TBL3: variants seen among roughly 807,000 people sequenced by gnomAD.
TBL3 encodes the protein transducin beta-like protein 3.
A neutral mutation model predicts 102.7 loss-of-function variants in TBL3; 71 were observed. The ratio of observed to expected loss-of-function variants is 0.69; its 90% CI spans 0.57 to 0.84. TBL3 has a LOEUF of 0.84. TBL3 is among the 40% of genes least tolerant of loss of function. The pLI, the probability that TBL3 is intolerant of heterozygous loss-of-function variation, is 0.00. For missense variants in TBL3, 1,188 were observed against 1,098.5 expected, an observed-to-expected ratio of 1.08 and a Z score of -1.15; for synonymous variants, 578 against 477.7, an observed-to-expected ratio of 1.21 and a Z score of -2.74.
rs866814374 is a variant in TBL3 at position 1,975,531 on chromosome 16, A to C, written c.808A>C (p.Thr270Pro). 2 of 1,597,374 alleles carry C rather than the reference A, an allele frequency of 1.3e-6. No homozygotes were observed. Among genetic ancestry groups the C allele is most frequent in the Non-Finnish European group, 1.7e-6 (2 of 1,175,920 alleles). Residue 270 changes from threonine to proline, a missense_variant and splice_region_variant, in exon 10 of 22, where the codon ACT (threonine) becomes CCT (proline). Transcript: ENST00000568546. ...LYFLTAGDQG[T>P]LRVWEAASGQ... ...CAGCCCTGTCCCCACCCACACAGGC[A>C]CTCTGCGCGTGTGGGAGGCAGCTTC... is the stretch of plus-strand genomic sequence containing the variant.
Position 1,975,963 on chromosome 16 carries a change from G to A in TBL3, c.1129+14G>A, listed in dbSNP as rs767024001. ...ACGGCCACACGGGTGAGTGGGGCCA[G>A]CCCACCTGACACCCTGGGAGCCGCC... On this transcript the variant is annotated intron_variant, in intron 11 of 21. Coordinates refer to ENST00000568546, the MANE Select transcript of TBL3 (RefSeq NM_006453.3). 4 of 1,614,134 alleles carry A rather than the reference G, an allele frequency of 2.5e-6. No individual in the cohort carries two copies. The Admixed American group carries it at 6.7e-5, about 27-fold the overall frequency.
Position 1,980,650 on chromosome 16 carries a change from C to T in TBL3, c.*1965C>T. On this transcript the variant is annotated 3_prime_UTR_variant, in exon 22 of 22. Transcript: ENST00000568546. Reference sequence around the variant, plus strand: ...TTCCCCGCTCCCGTACCCAGGCTGGCCTGACCGAGAAGCTTTGGGAGAACG... The same window carrying T: ...TTCCCCGCTCCCGTACCCAGGCTGGTCTGACCGAGAAGCTTTGGGAGAACG... 1.2e-6 allele frequency: 2 copies of T among 1,603,868 alleles called. No individual in the cohort carries two copies. Among genetic ancestry groups the T allele is most frequent in the Non-Finnish European group, 8.5e-7 (1 of 1,175,252 alleles).
rs911910291 is a variant in TBL3 at position 1,980,781 on chromosome 16, T to C, written c.*2096T>C. 6.5e-7 allele frequency: 1 copy of C among 1,541,708 alleles called. No homozygotes were observed. The highest frequency in any genetic ancestry group is 8.8e-7 in the Non-Finnish European group (1 of 1,132,594). ...GTCTTCCAGAGCCCACTGTGCACCC[T>C]TGAGAGGGCGGGGTCCCTCACCCGG... On this transcript the variant is annotated 3_prime_UTR_variant, in exon 22 of 22. Coordinates refer to ENST00000568546, the MANE Select transcript of TBL3 (RefSeq NM_006453.3).
In TBL3 at chr16:1,979,383, C is replaced by T. The variant is rs975091361; in HGVS notation, c.*698C>T. 2.3e-5 allele frequency: 37 copies of T among 1,592,990 alleles called. No homozygotes were observed. The highest frequency in any genetic ancestry group is 2.9e-5 in the Non-Finnish European group (34 of 1,174,976). ...GGCGGGGTGTGGTTAGGGCCCCGCC[C>T]GCCTCGGCTAGCCTGCCCTGCCCAC... On this transcript the variant is annotated 3_prime_UTR_variant, in exon 22 of 22. Transcript: ENST00000568546.
At chr16:1,975,976 C>T (rs201523535) in intron 11 of TBL3, 27 bp downstream of exon 11, 144 of 1,614,098 alleles carry the variant, frequency 8.9e-5, no homozygotes, top group Non-Finnish European at 1.1e-4. Flanking sequence ...CACCTGACAC[C>T]CTGGGAGCCG....
chr16:1,980,522 C>A lies in TBL3; in HGVS notation c.*1837C>A. The A allele has an allele frequency of 6.2e-7, 1 of 1,603,456 alleles. No individual in the cohort carries two copies. ...GCGCCAGGCCGCGGCTCGTGCGCCC[C>A]ACGCGTCCCAACAGTGGTGCATCTT... is the stretch of plus-strand genomic sequence containing the variant. On this transcript the variant is annotated 3_prime_UTR_variant, in exon 22 of 22. Transcript: ENST00000568546.
rs753146744 is a variant in TBL3 at position 1,980,527 on chromosome 16, G to C, written c.*1842G>C. Reference sequence around the variant, plus strand: ...AGGCCGCGGCTCGTGCGCCCCACGCGTCCCAACAGTGGTGCATCTTAAGGC... The same window carrying C: ...AGGCCGCGGCTCGTGCGCCCCACGCCTCCCAACAGTGGTGCATCTTAAGGC... On this transcript the variant is annotated 3_prime_UTR_variant, in exon 22 of 22. Transcript: ENST00000568546. 3.2e-5 allele frequency: 51 copies of C among 1,603,388 alleles called. 1 individual carries two copies. In the South Asian group the frequency reaches 5.2e-4, roughly 16 times the overall value.
Position 1,980,683 on chromosome 16 carries a change from A to G in TBL3, c.*1998A>G. 1 of 1,607,226 alleles carries G rather than the reference A, an allele frequency of 6.2e-7. No homozygotes were observed. The highest frequency in any genetic ancestry group is 1.1e-5 in the South Asian group (1 of 90,008). Reference sequence around the variant, plus strand: ...AGAAGCTTTGGGAGAACGCGGTCAGATCTCCGCAGCAGGCCCGCCTCCACC... The same window carrying G: ...AGAAGCTTTGGGAGAACGCGGTCAGGTCTCCGCAGCAGGCCCGCCTCCACC... On this transcript the variant is annotated 3_prime_UTR_variant, in exon 22 of 22. Coordinates refer to ENST00000568546, the MANE Select transcript of TBL3 (RefSeq NM_006453.3).
At position 1,974,695 on chromosome 16, in the gene TBL3, G is replaced by A; in HGVS notation, c.379+16G>A. The stretch of plus-strand genomic sequence containing the variant: ...CTAGCCACAGGTAGGGCCCTGCCGT[G>A]CAGGTGGGTCGTGGGCACAGATGCA... On this transcript the variant is annotated intron_variant, in intron 5 of 21. Coordinates refer to ENST00000568546, the MANE Select transcript of TBL3 (RefSeq NM_006453.3). The A allele has an allele frequency of 6.2e-7, 1 of 1,611,220 alleles. No individual in the cohort carries two copies. The highest frequency in any genetic ancestry group is 8.5e-7 in the Non-Finnish European group (1 of 1,178,844).
At position 1,974,977 on chromosome 16, in the gene TBL3, G is replaced by A. The variant is rs377621371; in HGVS notation, c.514G>A (p.Ala172Thr). The part of the protein sequence containing the change: ...DPTRLLLFSS[A>T]TDAAIRVWSL... ...TACACGCCTGCTGCTCTTCTCCTCGGCCACGGATGCCGCCATCCGCGTGTG... is the reference window on the plus strand; with the variant it reads ...TACACGCCTGCTGCTCTTCTCCTCGACCACGGATGCCGCCATCCGCGTGTG... The change falls in exon 7 of 22, where the codon GCC becomes ACC. Residue 172 changes from alanine (A) to threonine (T), a missense_variant. By Grantham distance (58) the Ala-to-Thr change is moderately conservative. Coordinates refer to ENST00000568546, the MANE Select transcript of TBL3 (RefSeq NM_006453.3). The A allele has an allele frequency of 1.6e-5, 25 of 1,608,584 alleles. No homozygotes were observed. In the Admixed American group the frequency reaches 1.8e-4, roughly 12 times the overall value.
chr16:1,980,289 T>C lies in TBL3; in HGVS notation c.*1604T>C, dbSNP rs2083475865. The C allele has an allele frequency of 1.3e-6, 2 of 1,524,178 alleles. No homozygotes were observed. Among genetic ancestry groups the C allele is most frequent in the Non-Finnish European group, 1.8e-6 (2 of 1,136,784 alleles). 94.4% of individuals were successfully genotyped at this position (1,524,178 alleles called of 1,614,324 possible). A position where few individuals can be genotyped will look rare whatever the true frequency, so the allele number is the denominator to read the frequency against. ...CCTCCCACTCTCTGCCCCTATTCGC[T>C]GGCTGTTCCCCCCCACCCTGGACCT... On this transcript the variant is annotated 3_prime_UTR_variant, in exon 22 of 22. Coordinates refer to ENST00000568546, the MANE Select transcript of TBL3 (RefSeq NM_006453.3).
At position 1,978,995 on chromosome 16, in the gene TBL3, C is replaced by T; in HGVS notation, c.*310C>T. ...TGCTGGCCAGGGAGATCCGCCCTCCCCGCTCCTCCCCAGCCCTGGGATGGC... is the reference window on the plus strand; with the variant it reads ...TGCTGGCCAGGGAGATCCGCCCTCCTCGCTCCTCCCCAGCCCTGGGATGGC... On this transcript the variant is annotated 3_prime_UTR_variant, in exon 22 of 22. Coordinates refer to ENST00000568546, the MANE Select transcript of TBL3 (RefSeq NM_006453.3). The T allele has an allele frequency of 1.4e-6, 2 of 1,471,356 alleles. No homozygotes were observed. Among genetic ancestry groups the T allele is most frequent in the South Asian group, 1.3e-5 (1 of 78,910 alleles). 91.1% of individuals were successfully genotyped at this position (1,471,356 alleles called of 1,614,324 possible). A position where few individuals can be genotyped will look rare whatever the true frequency, so the allele number is the denominator to read the frequency against.
Position 1,979,079 on chromosome 16 carries a change from A to G in TBL3, c.*394A>G, listed in dbSNP as rs781180048. On this transcript the variant is annotated 3_prime_UTR_variant, in exon 22 of 22. Coordinates refer to ENST00000568546, the MANE Select transcript of TBL3 (RefSeq NM_006453.3). ...ACTGCTCCGTCGTGGGGTGCGGCACAGAGTCCACGCACCCTCGAGGGCGGC... is the reference window on the plus strand; with the variant it reads ...ACTGCTCCGTCGTGGGGTGCGGCACGGAGTCCACGCACCCTCGAGGGCGGC... 1.3e-6 allele frequency: 2 copies of G among 1,536,040 alleles called. No individual in the cohort carries two copies. Among genetic ancestry groups the G allele is most frequent in the Non-Finnish European group, 1.7e-6 (2 of 1,153,658 alleles).
intron 1 of TBL3, among the ~76,000 whole-genome samples, chr16:1,972,577 C>T (rs986534266): frequency 6.6e-6 from 1 of 152,212 alleles, no homozygotes; most frequent in Non-Finnish European, 1.5e-5. Context: ...GGGGACCTTT[C>T]ATCCGCGATC....
Position 1,972,173 on chromosome 16 carries a change from G to C in TBL3, c.9G>C (p.Glu3Asp). MA[E>D]TAAGVGRFKT... ...GCGGCGGCGGCGGCAACATGGCAGAGACCGCGGCCGGAGTGGGCCGCTTCA... is the reference window on the plus strand; with the variant it reads ...GCGGCGGCGGCGGCAACATGGCAGACACCGCGGCCGGAGTGGGCCGCTTCA... Residue 3 changes from glutamate to aspartate, a missense_variant, in exon 1 of 22, where the codon GAG becomes GAC. By Grantham distance (45) the Glu-to-Asp change is conservative (BLOSUM62 2). Coordinates refer to ENST00000568546, the MANE Select transcript of TBL3 (RefSeq NM_006453.3). 6.9e-7 allele frequency: 1 copy of C among 1,444,716 alleles called. No individual in the cohort carries two copies. The highest frequency in any genetic ancestry group is 9.1e-7 in the Non-Finnish European group (1 of 1,098,540). The allele number at this position is 1,444,716 out of a possible 1,614,324, so 89.5% of individuals were successfully genotyped here.
Position 1,975,578 on chromosome 16 carries a change from G to C in TBL3, c.855G>C (p.Gln285His). ...EAASGQCVYT[Q>H]AQPPGPGQEL... ...CTTCTGGGCAGTGTGTGTACACGCA[G>C]GCCCAGCCGCCGGGCCCTGGGCAGG... is the stretch of plus-strand genomic sequence containing the variant. The change falls in exon 10 of 22, where the codon CAG (glutamine) becomes CAC (histidine). Residue 285 changes from glutamine to histidine, a missense_variant. Physicochemically the swap from Gln to His is conservative, Grantham distance 24. Transcript: ENST00000568546. 2.5e-6 allele frequency: 4 copies of C among 1,599,340 alleles called. No individual in the cohort carries two copies. The highest frequency in any genetic ancestry group is 3.4e-6 in the Non-Finnish European group (4 of 1,179,086).
At chr16:1,972,305 G>T in intron 1 of TBL3, 100 bp downstream of exon 1, 2 of 1,212,702 alleles carry the variant, frequency 1.6e-6, no homozygotes, top group African/African-American at 3.2e-5. Flanking sequence ...GTCCGTGGAG[G>T]CGAGAGGCTG....
At chr16:1,975,471 G>T in intron 9 of TBL3, 33 bp downstream of exon 9, 1 of 1,609,392 alleles carries the variant, frequency 6.2e-7, no homozygotes, top group Non-Finnish European at 8.5e-7. Context: ...CAGGCGGTAG[G>T]GGCTGGGGAA....
Position 1,978,904 on chromosome 16 carries a change from T to A in TBL3, c.*219T>A, listed in dbSNP as rs2150886340. Reference sequence around the variant, plus strand: ...GATCCAGCCCGCGGCTCCGCACGCTTAGACGGTGGGGGTCATGCAGAACAA... The same window carrying A: ...GATCCAGCCCGCGGCTCCGCACGCTAAGACGGTGGGGGTCATGCAGAACAA... On this transcript the variant is annotated 3_prime_UTR_variant, in exon 22 of 22. Transcript: ENST00000568546. 3 of 1,100,516 alleles carry A rather than the reference T, an allele frequency of 2.7e-6. No individual in the cohort carries two copies. The highest frequency in any genetic ancestry group is 2.6e-6 in the Non-Finnish European group (2 of 778,804). The allele number at this position is 1,100,516 out of a possible 1,614,324, so 68.2% of individuals were successfully genotyped here.
Sources: allele counts gnomAD v4.1 joint callset (sites outside exome capture counted in the v4.1 genomes callset), GRCh38; gene constraint gnomAD v4.1.1; transcripts MANE v1.5; gene names NCBI Gene and HGNC (gene_info 2026-07-23, HGNC 2026-07-21).